CSMD1: variants seen among roughly 807,000 people sequenced by gnomAD.
The protein encoded by CSMD1 is CUB and sushi domain-containing protein 1.
A neutral mutation model predicts 417.5 loss-of-function variants in CSMD1; 213 were observed. The observed-to-expected ratio is 0.51, with a 90% CI of 0.46 to 0.57. The LOEUF is 0.57. Ranked by LOEUF, CSMD1 falls within the 20% of genes least tolerant of loss-of-function variation. The pLI, the probability that CSMD1 is intolerant of heterozygous loss-of-function variation, is 0.00. For missense variants in CSMD1, 6,923 were observed against 4,529.7 expected, an observed-to-expected ratio of 1.53 and a Z score of -15.17; for synonymous variants, 2,862 against 1,736.8, an observed-to-expected ratio of 1.65 and a Z score of -16.11.
At chr8:4,232,265 C>G (rs959415084) in intron 3 of CSMD1, among the ~76,000 whole-genome samples, 4 of 152,160 alleles carry the variant, frequency 2.6e-5, no homozygotes, top group African/African-American at 9.7e-5. Context: ...GTGGCACGAT[C>G]TTGGCTCACT....
At chr8:3,466,629 A>T (rs1268738555) in intron 12 of CSMD1, among the ~76,000 whole-genome samples, 1 of 134,928 alleles carries the variant, frequency 7.4e-6, no homozygotes, top group Non-Finnish European at 1.5e-5. Context: ...GGGTTTCACC[A>T]TGTTGGCCAG....
chr8:3,567,361 C>T (rs538877335), intron 10 of CSMD1, among the ~76,000 whole-genome samples: 2 of 151,710 alleles, frequency 1.3e-5, no homozygotes, highest in African/African-American at 2.4e-5. Context: ...CAACAAACCA[C>T]CATGGCACAA....
At chr8:3,867,842 C>G (rs962998656) in intron 5 of CSMD1, among the ~76,000 whole-genome samples, 81 of 152,156 alleles carry the variant, frequency 5.3e-4, no homozygotes, top group African/African-American at 1.9e-3. Context: ...CCTCCATTTC[C>G]AGGATTGAAG....
At chr8:3,050,321 A>G (rs73181744) in intron 50 of CSMD1, among the ~76,000 whole-genome samples, 2,200 of 152,278 alleles carry the variant, frequency 0.014, 26 homozygotes, top group Middle Eastern at 0.078. Context: ...AGTAGTTTTC[A>G]CCTCATTTGT....
chr8:3,506,640 T>C (rs1796839744), intron 10 of CSMD1, among the ~76,000 whole-genome samples: 1 of 152,166 alleles, frequency 6.6e-6, no homozygotes, highest in Non-Finnish European at 1.5e-5. Flanking sequence ...TTAGGAAAAC[T>C]TACATCTGCA....
At chr8:3,036,756 C>T (rs1422232151) in intron 50 of CSMD1, among the ~76,000 whole-genome samples, 2 of 152,062 alleles carry the variant, frequency 1.3e-5, no homozygotes. Flanking sequence ...TTTCAACAAT[C>T]CTCTCTTAAA....
intron 2 of CSMD1, among the ~76,000 whole-genome samples, chr8:4,481,444 G>C (rs762676262): frequency 6.6e-6 from 1 of 152,144 alleles, no homozygotes; most frequent in South Asian, 2.1e-4. Flanking sequence ...TTTTTTCTTA[G>C]TGGGAGATAA....
intron 3 of CSMD1, among the ~76,000 whole-genome samples, chr8:4,156,990 G>T (rs1195552058): frequency 6.6e-6 from 1 of 152,084 alleles, no homozygotes; most frequent in Admixed American, 6.6e-5. Flanking sequence ...ATACATCCCA[G>T]ATGATATTAA....
At chr8:3,479,974 A>C (rs893803872) in intron 11 of CSMD1, among the ~76,000 whole-genome samples, 1 of 152,230 alleles carries the variant, frequency 6.6e-6, no homozygotes, top group Non-Finnish European at 1.5e-5. Context: ...GATTTGCTTA[A>C]TATTAAAATT....
intron 2 of CSMD1, among the ~76,000 whole-genome samples, chr8:4,565,834 C>A (rs1306940619): frequency 4.8e-5 from 7 of 147,220 alleles, no homozygotes; most frequent in African/African-American, 1.5e-4. Context: ...CAGACACGCA[C>A]ACACACACAA....
intron 8 of CSMD1, among the ~76,000 whole-genome samples, chr8:3,586,886 G>A (rs758050893): frequency 2.0e-5 from 3 of 152,108 alleles, no homozygotes; most frequent in African/African-American, 4.8e-5. Context: ...TGCAACCTCC[G>A]CCTCCGGGGT....
chr8:3,894,301 G>C (rs1212601674), intron 5 of CSMD1, among the ~76,000 whole-genome samples: 1 of 152,056 alleles, frequency 6.6e-6, no homozygotes, highest in African/African-American at 2.4e-5. Flanking sequence ...TCTCGCTCCA[G>C]TCTCATCTTC....
intron 41 of CSMD1, among the ~76,000 whole-genome samples, chr8:3,119,383 C>T (rs375999685): frequency 4.1e-4 from 9 of 22,008 alleles, no homozygotes; most frequent in South Asian, 1.9e-3. Flanking sequence ...TAGTCTTTTT[C>T]TAAAAAAAAA....
intron 22 of CSMD1, among the ~76,000 whole-genome samples, chr8:3,347,783 T>C (rs902725558): frequency 6.6e-6 from 1 of 152,208 alleles, no homozygotes; most frequent in African/African-American, 2.4e-5. Context: ...TCGAGGTTTA[T>C]CTACAAAGTT....
intron 5 of CSMD1, among the ~76,000 whole-genome samples, chr8:3,771,902 G>A (rs993460351): frequency 1.3e-5 from 2 of 151,984 alleles, no homozygotes; most frequent in Non-Finnish European, 2.9e-5. Flanking sequence ...ACCCAGATAT[G>A]AGCAGGAGAA....
intron 2 of CSMD1, among the ~76,000 whole-genome samples, chr8:4,553,833 G>T (rs1266201854): frequency 6.6e-6 from 1 of 152,140 alleles, no homozygotes; most frequent in Non-Finnish European, 1.5e-5. Flanking sequence ...GGACATGATT[G>T]GGTTAGCTGG....
intron 37 of CSMD1, among the ~76,000 whole-genome samples, chr8:3,172,723 G>T (rs955537447): frequency 1.3e-5 from 2 of 152,156 alleles, no homozygotes; most frequent in African/African-American, 4.8e-5. Flanking sequence ...CATGCACTCT[G>T]TGAAGGTCAT....
At chr8:4,670,899 T>G (rs977101721) in intron 1 of CSMD1, among the ~76,000 whole-genome samples, 2 of 152,186 alleles carry the variant, frequency 1.3e-5, no homozygotes, top group African/African-American at 2.4e-5. Flanking sequence ...AACAAGGAAA[T>G]TTTAGTGACA....
At chr8:4,663,193 G>A (rs912057606) in intron 1 of CSMD1, among the ~76,000 whole-genome samples, 2 of 152,060 alleles carry the variant, frequency 1.3e-5, no homozygotes, top group African/African-American at 4.8e-5. Context: ...TGGTTCTCTT[G>A]GCAAGACAAG....
Sources: gnomAD v4.1 joint callset for allele counts (sites outside exome capture counted in the v4.1 genomes callset) on GRCh38, gnomAD v4.1.1 for gene constraint, MANE v1.5 for transcripts, NCBI Gene and HGNC (gene_info 2026-07-23, HGNC 2026-07-21) for gene names.